Variants in CECR2 observed in about 807,000 individuals in gnomAD.
CECR2 encodes CECR2 histone acetyl-lysine reader.
A neutral mutation model predicts 154.5 loss-of-function variants in CECR2; 30 were observed. That is an observed-to-expected ratio of 0.19 (90% confidence interval 0.15 to 0.26). CECR2 has a LOEUF of 0.26. Among genes scored for constraint, CECR2 ranks in the 10% least tolerant of loss-of-function variants. The pLI, the probability that CECR2 is intolerant of heterozygous loss-of-function variation, is 1.00. For synonymous variants in CECR2, 725 were observed against 683.7 expected (o/e 1.06, Z -0.94); for missense variants, 1,743 against 1,829.3 (o/e 0.95, Z 0.86).
At chr22:17,510,768 A>AT (rs1344033475) in intron 7 of CECR2, among the ~76,000 whole-genome samples, 6 of 152,102 alleles carry the variant, frequency 3.9e-5, no homozygotes, top group African/African-American at 1.2e-4. Context: ...TGCCTGGCTA[A>AT]TTTTTTGTGT....
chr22:17,424,352 A>G (rs890734508), intron 1 of CECR2: 5 of 171,706 alleles, frequency 2.9e-5, no homozygotes, highest in African/African-American at 1.2e-4. Flanking sequence ...CATGTAGAAA[A>G]AGGGATTCCT....
chr22:17,494,447 T>C (rs17741183), intron 2 of CECR2, among the ~76,000 whole-genome samples: 20,096 of 152,204 alleles, frequency 0.13, 1,553 homozygotes, highest in Non-Finnish European at 0.18. Context: ...CTGGAAGGGT[T>C]GGTAGCAACT....
At position 17,496,507 on chromosome 22, in the gene CECR2, AAAAG is replaced by A. The variant is rs530501619; in HGVS notation, c.222-884_222-881del. Among the ~76,000 whole-genome samples, 1,345 of 152,132 alleles carry A rather than the reference AAAAG, an allele frequency of 8.8e-3. 10 individuals carry two copies. Among genetic ancestry groups the A allele is most frequent in the African/African-American group, 0.019 (789 of 41,510 alleles). ...AGAGCGAGACTCTGTCTCAAAAAAA[AAAAG>A]AAAGAAAGAAAAATCAAAGAAAAAA... On this transcript the variant is annotated intron_variant, in intron 2 of 18. Coordinates refer to ENST00000262608, the MANE Select transcript of CECR2 (RefSeq NM_001290047.2).
intron 1 of CECR2, among the ~76,000 whole-genome samples, chr22:17,377,885 T>C (rs1343614868): frequency 6.6e-6 from 1 of 152,222 alleles, no homozygotes; most frequent in Non-Finnish European, 1.5e-5. Flanking sequence ...TTGTGTTCCT[T>C]TAATCCTCTG....
intron 1 of CECR2, among the ~76,000 whole-genome samples, chr22:17,421,792 T>G (rs575556568): frequency 2.0e-5 from 3 of 150,942 alleles, no homozygotes; most frequent in Admixed American, 2.0e-4. Context: ...GACTCCGTCT[T>G]GCACTGGGTG....
chr22:17,477,817 C>T, intron 2 of CECR2, 135 bp downstream of exon 2: 1 of 649,392 alleles, frequency 1.5e-6, no homozygotes, highest in Non-Finnish European at 2.8e-6. Context: ...GGAGGACGTA[C>T]ACGTAAATTT....
intron 1 of CECR2, among the ~76,000 whole-genome samples, chr22:17,424,049 TTC>T (rs2054295931): frequency 6.6e-6 from 1 of 152,214 alleles, no homozygotes; most frequent in Non-Finnish European, 1.5e-5. Flanking sequence ...GCTCTTGAGA[TTC>T]TGTCATTGTA....
chr22:17,533,620 G>A (rs1189226840), intron 9 of CECR2, among the ~76,000 whole-genome samples: 4 of 151,672 alleles, frequency 2.6e-5, no homozygotes, highest in Non-Finnish European at 4.4e-5. Context: ...ATAGAGTGAG[G>A]CTCTGTCTCC....
At chr22:17,547,966 G>A (rs2056639173) in intron 16 of CECR2, among the ~76,000 whole-genome samples, 182 bp from the exon 17 acceptor site, 1 of 152,120 alleles carries the variant, frequency 6.6e-6, no homozygotes. Context: ...TCCGTGAAAG[G>A]GGTGAAAGGA....
At chr22:17,503,790 T>C (rs2146893235) in intron 6 of CECR2, among the ~76,000 whole-genome samples, 1 of 152,288 alleles carries the variant, frequency 6.6e-6, no homozygotes, top group Admixed American at 6.5e-5. Context: ...CTCATGCCTG[T>C]AATCCCAGCA....
intron 1 of CECR2, among the ~76,000 whole-genome samples, chr22:17,440,285 G>C (rs570576038): frequency 1.3e-5 from 2 of 152,194 alleles, no homozygotes; most frequent in South Asian, 4.2e-4. Context: ...ATAGTCATTA[G>C]TCATTCAGGC....
chr22:17,436,242 G>A (rs1264268733), intron 1 of CECR2, among the ~76,000 whole-genome samples: 1 of 152,204 alleles, frequency 6.6e-6, no homozygotes, highest in African/African-American at 2.4e-5. Flanking sequence ...GCAGGTGTGA[G>A]CCACTGCACC....
chr22:17,420,975 T>A (rs557058972), intron 1 of CECR2, among the ~76,000 whole-genome samples: 20 of 152,190 alleles, frequency 1.3e-4, no homozygotes, highest in Admixed American at 2.6e-4. Flanking sequence ...CTTCCTCCCA[T>A]CCCTGTATCG....
rs932942484 is a variant in CECR2 at position 17,502,406 on chromosome 22, T to C, written c.651-676T>C. On this transcript the variant is annotated intron_variant, in intron 5 of 18. Transcript: ENST00000262608. Reference sequence around the variant, plus strand: ...GTTCTTTTTTCTTGGCATTTAATTATTAACAGTTGCATCTCTCTCTTGACT... The same window carrying C: ...GTTCTTTTTTCTTGGCATTTAATTACTAACAGTTGCATCTCTCTCTTGACT... Among the ~76,000 whole-genome samples, 5 of 152,198 alleles carry C rather than the reference T, an allele frequency of 3.3e-5. No homozygotes were observed. The South Asian group carries it at 6.2e-4, about 19-fold the overall frequency.
chr22:17,412,786 G>C (rs1168403769), intron 1 of CECR2, among the ~76,000 whole-genome samples: 1 of 151,978 alleles, frequency 6.6e-6, no homozygotes, highest in African/African-American at 2.4e-5. Context: ...CCTTCTGGGT[G>C]AGGGGGATGG....
chr22:17,529,680 A>G (rs2056323930), intron 9 of CECR2, among the ~76,000 whole-genome samples: 1 of 151,638 alleles, frequency 6.6e-6, no homozygotes, highest in East Asian at 1.9e-4. Flanking sequence ...AGCCTGGGCG[A>G]CAGAGCAAGA....
At chr22:17,512,289 G>C (rs935383492) in intron 8 of CECR2, among the ~76,000 whole-genome samples, 4 of 152,090 alleles carry the variant, frequency 2.6e-5, no homozygotes, top group African/African-American at 9.7e-5. Flanking sequence ...GGAGCAAAGA[G>C]GGTGGGAGAG....
rs936602529 is a variant in CECR2 at position 17,540,701 on chromosome 22, A to G, written c.1785A>G (p.Thr595=). 6.2e-6 allele frequency: 10 copies of G among 1,613,648 alleles called. No individual in the cohort carries two copies. The highest frequency in any genetic ancestry group is 1.7e-5 in the Admixed American group (1 of 59,978). ...SSGDDQSSSS[T]QPPREVGTSN... ...GGGACGATCAGAGCAGCAGCTCCAC[A>G]CAGCCCCCGCGGGAGGTGGGCACTT... Residue 595 remains threonine (T), a synonymous_variant, in exon 14 of 19, where the codon ACA becomes ACG. Transcript: ENST00000262608.
intron 1 of CECR2, among the ~76,000 whole-genome samples, chr22:17,400,163 T>C (rs1183549378): frequency 6.6e-6 from 1 of 152,238 alleles, no homozygotes; most frequent in East Asian, 1.9e-4. Flanking sequence ...TACACATTAG[T>C]GTGACTTAGG....
Sources: gnomAD v4.1 joint callset for allele counts (sites outside exome capture counted in the v4.1 genomes callset) on GRCh38, gnomAD v4.1.1 for gene constraint, MANE v1.5 for transcripts, NCBI Gene and HGNC (gene_info 2026-07-23, HGNC 2026-07-21) for gene names.